Variants in TMEM132D observed in about 807,000 individuals in gnomAD.
TMEM132D encodes the protein mature OL transmembrane protein.
TMEM132D carries 21 observed loss-of-function variants against 62.3 expected under a neutral mutation model. The observed-to-expected ratio is 0.34, with a 90% CI of 0.24 to 0.49. TMEM132D has a LOEUF of 0.49. TMEM132D is among the 20% of genes least tolerant of loss of function. The pLI, the probability that TMEM132D is intolerant of heterozygous loss-of-function variation, is 0.99. For synonymous variants in TMEM132D, 621 were observed against 575.6 expected (o/e 1.08, Z -1.13); for missense variants, 1,346 against 1,402.8 (o/e 0.96, Z 0.65).
intron 3 of TMEM132D, among the ~76,000 whole-genome samples, chr12:129,463,861 A>G (rs1322914515): frequency 2.0e-5 from 3 of 151,052 alleles, no homozygotes. Context: ...CATTTTCTTA[A>G]TCCAGTCTAT....
At position 129,903,325 on chromosome 12, in the gene TMEM132D, C is replaced by G; in HGVS notation, c.15G>C (p.Glu5Asp). 6.4e-7 allele frequency: 1 copy of G among 1,553,158 alleles called. No homozygotes were observed. Among genetic ancestry groups the G allele is most frequent in the Non-Finnish European group, 8.7e-7 (1 of 1,147,912 alleles). The change falls in exon 1 of 9, where the codon GAG becomes GAC. Residue 5 changes from glutamate (E) to aspartate (D), a missense_variant. Physicochemically the swap from Glu to Asp is conservative, Grantham distance 45. Transcript: ENST00000422113. The surrounding 1 kb of genome is among the most constrained non-coding windows in gnomAD (Gnocchi z 6.2). ...ACCAGTGGTGCCACAGCGTCCCCAT[C>G]TCAGACGGGCACATCCTGGAGACCC... MCPSEMGTLWHHWSP... is the reference protein window; with the variant it reads MCPSDMGTLWHHWSP...
At chr12:129,293,930 T>C (rs1028767634) in intron 4 of TMEM132D, among the ~76,000 whole-genome samples, 3 of 152,124 alleles carry the variant, frequency 2.0e-5, no homozygotes, top group African/African-American at 7.2e-5. Flanking sequence ...GTTCTGGGGC[T>C]TCCCAGAGCA....
intron 1 of TMEM132D, among the ~76,000 whole-genome samples, chr12:129,766,830 C>T (rs1226602722): frequency 6.6e-6 from 1 of 152,162 alleles, no homozygotes; most frequent in Non-Finnish European, 1.5e-5. Flanking sequence ...CTGAATAAAA[C>T]CTGAAAGAGG....
At chr12:129,246,072 A>G (rs1353537463) in intron 4 of TMEM132D, among the ~76,000 whole-genome samples, 1 of 151,298 alleles carries the variant, frequency 6.6e-6, no homozygotes, top group Non-Finnish European at 1.5e-5. Flanking sequence ...CACAGCATCC[A>G]CTGGCTCCTA....
rs1253318830 is a variant in TMEM132D at position 129,779,606 on chromosome 12, T to G, written c.80-78908A>C. The stretch of plus-strand genomic sequence containing the variant: ...CCCAGGTTTTTGTTATTGTTTTGGG[T>G]TTTTTTGTTTGTTTCTTTTGTTTCT... On this transcript the variant is annotated intron_variant, in intron 1 of 8. Transcript: ENST00000422113. This position sits in a 1 kb window ranked among gnomAD's most constrained non-coding sequence, Gnocchi z 4.1. Among the ~76,000 whole-genome samples the G allele has an allele frequency of 6.6e-6, 1 of 152,040 alleles. No homozygotes were observed. The highest frequency in any genetic ancestry group is 2.4e-5 in the African/African-American group (1 of 41,410).
chr12:129,581,951 G>C (rs1264473709), intron 2 of TMEM132D, among the ~76,000 whole-genome samples: 1 of 152,166 alleles, frequency 6.6e-6, no homozygotes, highest in Admixed American at 6.5e-5. Flanking sequence ...TGATTTGCAA[G>C]TCATCCCATT....
In TMEM132D at chr12:129,074,931, G is replaced by A. The variant is rs544432137; in HGVS notation, c.2244C>T (p.Asp748=). 6.2e-7 allele frequency: 1 copy of A among 1,614,022 alleles called. No homozygotes were observed. Among genetic ancestry groups the A allele is most frequent in the South Asian group, 1.1e-5 (1 of 91,062 alleles). The stretch of plus-strand genomic sequence containing the variant: ...CAATGATAGGCCACTTGAATTTGGG[G>A]TCTTGGTGGATGGAGACTACCTTCT... The part of the protein sequence containing the change: ...LDEKVVSIHQ[D]PKFKWPIIAA... Residue 748 remains aspartate (D), a synonymous_variant, in exon 9 of 9, where the codon GAC becomes GAT. Transcript: ENST00000422113.
chr12:129,344,440 C>G (rs1462776152), intron 3 of TMEM132D, among the ~76,000 whole-genome samples: 1 of 152,088 alleles, frequency 6.6e-6, no homozygotes, highest in Non-Finnish European at 1.5e-5. Flanking sequence ...GGTGCATATA[C>G]CTGGGTAAAG....
intron 3 of TMEM132D, among the ~76,000 whole-genome samples, chr12:129,495,774 C>T (rs1027976810): frequency 1.3e-5 from 2 of 152,030 alleles, no homozygotes; most frequent in Non-Finnish European, 2.9e-5. Flanking sequence ...GACAGTGTTT[C>T]GTGGGGATGT....
chr12:129,758,314 G>A (rs1445961208), intron 1 of TMEM132D, among the ~76,000 whole-genome samples: 1 of 151,982 alleles, frequency 6.6e-6, no homozygotes, highest in African/African-American at 2.4e-5. Context: ...TCTTCAACTC[G>A]AATAATTCCT....
intron 1 of TMEM132D, among the ~76,000 whole-genome samples, chr12:129,783,020 A>G (rs572077109): frequency 6.6e-6 from 1 of 152,336 alleles, no homozygotes; most frequent in Admixed American, 6.5e-5. Context: ...TAGTAGTCGC[A>G]GTAGGTTGGT....
At chr12:129,140,227 C>CACAT (rs960903711) in intron 5 of TMEM132D, among the ~76,000 whole-genome samples, 1 of 151,632 alleles carries the variant, frequency 6.6e-6, no homozygotes, top group Non-Finnish European at 1.5e-5. Context: ...CACACACACA[C>CACAT]ACACACACAC....
intron 2 of TMEM132D, among the ~76,000 whole-genome samples, chr12:129,621,518 C>T: frequency 1.1e-5 from 1 of 90,356 alleles, no homozygotes; most frequent in South Asian, 3.9e-4. Context: ...AAATGCTGTG[C>T]TTGCACCACC....
At chr12:129,183,805 G>A (rs556638610) in intron 5 of TMEM132D, among the ~76,000 whole-genome samples, 4 of 145,676 alleles carry the variant, frequency 2.7e-5, no homozygotes, top group African/African-American at 1.1e-4. Context: ...GTCCCCTTGG[G>A]TAGGGGCACG....
At chr12:129,100,368 A>G (rs1875260845) in intron 5 of TMEM132D, among the ~76,000 whole-genome samples, 1 of 152,184 alleles carries the variant, frequency 6.6e-6, no homozygotes, top group African/African-American at 2.4e-5. Flanking sequence ...ATTGAAGGTC[A>G]AGGTGACCCC....
chr12:129,807,568 A>G (rs1295835422), intron 1 of TMEM132D, among the ~76,000 whole-genome samples: 1 of 152,196 alleles, frequency 6.6e-6, no homozygotes, highest in Non-Finnish European at 1.5e-5. Context: ...TAAACTGCTT[A>G]TATTTGGCAC....
chr12:129,218,296 G>A (rs1879264177), intron 4 of TMEM132D, among the ~76,000 whole-genome samples: 1 of 152,172 alleles, frequency 6.6e-6, no homozygotes, highest in African/African-American at 2.4e-5. Context: ...CACTAAGGAT[G>A]GGGATACATT....
intron 1 of TMEM132D, among the ~76,000 whole-genome samples, chr12:129,849,121 A>G (rs1406100223): frequency 6.6e-6 from 1 of 152,210 alleles, no homozygotes. Flanking sequence ...TTATAATGCA[A>G]GCAGTCAGAC....
chr12:129,328,583 G>T (rs1212705843), intron 4 of TMEM132D, among the ~76,000 whole-genome samples: 1 of 152,198 alleles, frequency 6.6e-6, no homozygotes, highest in Non-Finnish European at 1.5e-5. Context: ...GAACATCAGA[G>T]GCAACAGATT....
Sources: gnomAD v4.1 joint callset for allele counts (sites outside exome capture counted in the v4.1 genomes callset) on GRCh38, gnomAD v4.1.1 for gene constraint, Gnocchi (gnomAD v3.1) non-coding constraint, MANE v1.5 for transcripts, NCBI Gene and HGNC (gene_info 2026-07-23, HGNC 2026-07-21) for gene names.